GABBR1: variants seen among roughly 807,000 people sequenced by gnomAD.
GABBR1 encodes GABA-B receptor, R1 subunit.
GABBR1 carries 35 observed loss-of-function variants against 117.7 expected under a neutral mutation model. The observed-to-expected ratio is 0.30, with a 90% CI of 0.23 to 0.39. The LOEUF (loss-of-function observed/expected upper bound fraction) is 0.39. GABBR1 is among the 10% of genes least tolerant of loss of function. The pLI is 1.00. For missense variants in GABBR1, 709 were observed against 1,241.8 expected (o/e 0.57, Z 6.45); for synonymous variants, 442 against 486.6 (o/e 0.91, Z 1.21).
chr6:29,620,618 A>C lies in GABBR1; in HGVS notation c.1323+483T>G, dbSNP rs1239298875. Among the ~76,000 whole-genome samples, 1 of 152,184 alleles carries C rather than the reference A, an allele frequency of 6.6e-6. No individual in the cohort carries two copies. Among genetic ancestry groups the C allele is most frequent in the African/African-American group, 2.4e-5 (1 of 41,432 alleles). Reference sequence around the variant, plus strand: ...CCCTTCTCCACATAAAATTCTAAAAAAAGAATCATTAAAAAAAGCAACAGG... The same window carrying C: ...CCCTTCTCCACATAAAATTCTAAAACAAGAATCATTAAAAAAAGCAACAGG... On this transcript the variant is annotated intron_variant, in intron 11 of 22. Transcript: ENST00000377034. The surrounding 1 kb of genome is among the most constrained non-coding windows in gnomAD (Gnocchi z 4.5).
chr6:29,603,041 G>C lies in GABBR1; in HGVS notation c.*502C>G, dbSNP rs769072225. 1.8e-5 allele frequency: 8 copies of C among 457,006 alleles called. No individual in the cohort carries two copies. Among genetic ancestry groups the C allele is most frequent in the Admixed American group, 2.3e-5 (1 of 42,584 alleles). 28.3% of individuals were successfully genotyped at this position (457,006 alleles called of 1,614,324 possible). On this transcript the variant is annotated 3_prime_UTR_variant, in exon 23 of 23. Transcript: ENST00000377034. ...GCTCCCAAAGGAAGCAAAATTCAGGGGGAGCCACATGTGAGAAAGTATAGA... is the reference window on the plus strand; with the variant it reads ...GCTCCCAAAGGAAGCAAAATTCAGGCGGAGCCACATGTGAGAAAGTATAGA...
At chr6:29,615,038 C>G (rs568595407) in intron 11 of GABBR1, among the ~76,000 whole-genome samples, 4 of 146,372 alleles carry the variant, frequency 2.7e-5, no homozygotes, top group African/African-American at 1.0e-4. Context: ...TTAATCCTAG[C>G]ACTTTGGGAG....
In GABBR1 at chr6:29,627,044, T is replaced by A. The variant is rs1226429742; in HGVS notation, c.657+442A>T. On this transcript the variant is annotated intron_variant, in intron 6 of 22. Coordinates refer to ENST00000377034, the MANE Select transcript of GABBR1 (RefSeq NM_001470.4). The surrounding 1 kb of genome is among the most constrained non-coding windows in gnomAD (Gnocchi z 4.4). ...TCATTCTGTCCCTATTCCTTCCAGC[T>A]CCAACCTACGCCAAGATTTTACCTT... is the stretch of plus-strand genomic sequence containing the variant. 6.6e-6 allele frequency among the ~76,000 whole-genome samples: 1 copy of A among 152,190 alleles called. No individual in the cohort carries two copies. The highest frequency in any genetic ancestry group is 1.9e-4 in the East Asian group (1 of 5,168).
Position 29,632,361 on chromosome 6 carries a change from G to A in GABBR1, c.25C>T (p.Pro9Ser). The change falls in exon 2 of 23, where the codon CCA becomes TCA. Residue 9 changes from proline to serine, a missense_variant. Physicochemically the swap from Pro to Ser is moderately conservative, Grantham distance 74 (BLOSUM62 -1). This residue lies in a region of GABBR1 where 43 missense variants were observed against 42.8 expected (regional missense o/e 1.00). Coordinates refer to ENST00000377034, the MANE Select transcript of GABBR1 (RefSeq NM_001470.4). This position sits in a 1 kb window ranked among gnomAD's most constrained non-coding sequence, Gnocchi z 5.8. The part of the protein sequence containing the change: MLLLLLLA[P>S]LFLRPPGAGG... ...GCGCCCGGGGGGCGGAGGAAGAGTG[G>A]CGCCAGTAGCAGCAGCAGCAACATC... The A allele has an allele frequency of 1.5e-6, 2 of 1,352,036 alleles. No homozygotes were observed. Among genetic ancestry groups the A allele is most frequent in the Non-Finnish European group, 9.6e-7 (1 of 1,046,980 alleles). The allele number at this position is 1,352,036 out of a possible 1,614,324, so 83.8% of individuals were successfully genotyped here. A position where few individuals can be genotyped will look rare whatever the true frequency, so the allele number is the denominator to read the frequency against.
rs553796810 is a variant in GABBR1, at chr6:29,604,704, G to T, written c.2569-67C>A. ...TGTACTAGTGACTGGCTGATGGAAG[G>T]TTGGAGGTGGAAGGAATGCTGATAA... On this transcript the variant is annotated intron_variant, in intron 21 of 22. Coordinates refer to ENST00000377034, the MANE Select transcript of GABBR1 (RefSeq NM_001470.4). The surrounding 1 kb of genome is among the most constrained non-coding windows in gnomAD (Gnocchi z 5.3). 1.2e-6 allele frequency: 2 copies of T among 1,607,724 alleles called. No individual in the cohort carries two copies. Among genetic ancestry groups the T allele is most frequent in the South Asian group, 2.2e-5 (2 of 90,946 alleles).
Position 29,605,382 on chromosome 6 carries a change from G to T in GABBR1, c.2439+187C>A. On this transcript the variant is annotated intron_variant, in intron 20 of 22. Coordinates refer to ENST00000377034, the MANE Select transcript of GABBR1 (RefSeq NM_001470.4). This position sits in a 1 kb window ranked among gnomAD's most constrained non-coding sequence, Gnocchi z 4.2. The stretch of plus-strand genomic sequence containing the variant: ...TATCTACTTCACTGGGTAGTTGCAA[G>T]ATTAATGATACAATGTCTGTAGTGA... 1.4e-6 allele frequency: 1 copy of T among 690,588 alleles called. No homozygotes were observed. The highest frequency in any genetic ancestry group is 2.5e-5 in the East Asian group (1 of 39,582). The allele number at this position is 690,588 out of a possible 1,614,324, so 42.8% of individuals were successfully genotyped here.
chr6:29,606,759 G>T lies in GABBR1; in HGVS notation c.2217+138C>A. 1 of 720,966 alleles carries T rather than the reference G, an allele frequency of 1.4e-6. No individual in the cohort carries two copies. The highest frequency in any genetic ancestry group is 1.8e-5 in the South Asian group (1 of 54,854). 44.7% of individuals were successfully genotyped at this position (720,966 alleles called of 1,614,324 possible). ...CCTATGAGGGGCTCCTTCTAGGAAG[G>T]AAAGGAAGAGCTTCCAATACGAGGA... On this transcript the variant is annotated intron_variant, in intron 18 of 22. Transcript: ENST00000377034. This position sits in a 1 kb window ranked among gnomAD's most constrained non-coding sequence, Gnocchi z 4.5.
Position 29,604,798 on chromosome 6 carries a change from T to C in GABBR1, c.2568+62A>G, listed in dbSNP as rs1269209161. 8.2e-6 allele frequency: 13 copies of C among 1,592,338 alleles called. No individual in the cohort carries two copies. Among genetic ancestry groups the C allele is most frequent in the Non-Finnish European group, 1.1e-5 (13 of 1,168,764 alleles). On this transcript the variant is annotated intron_variant, in intron 21 of 22. Coordinates refer to ENST00000377034, the MANE Select transcript of GABBR1 (RefSeq NM_001470.4). This position sits in a 1 kb window ranked among gnomAD's most constrained non-coding sequence, Gnocchi z 5.3. ...GGAAGGGCAGAGGAACTCAGTAATA[T>C]AGGAAGGAGGGATGGAGGGAACATG...
chr6:29,609,628 T>C lies in GABBR1; in HGVS notation c.1709-249A>G, dbSNP rs558243762. The stretch of plus-strand genomic sequence containing the variant: ...ATGGAGTGAATGGTCTATCCATAGG[T>C]TGGGAAATGCTGAGGCATGTCCCCA... On this transcript the variant is annotated intron_variant, in intron 14 of 22. Transcript: ENST00000377034. This position sits in a 1 kb window ranked among gnomAD's most constrained non-coding sequence, Gnocchi z 4.3. Among the ~76,000 whole-genome samples, 1 of 152,138 alleles carries C rather than the reference T, an allele frequency of 6.6e-6. No homozygotes were observed. Among genetic ancestry groups the C allele is most frequent in the African/African-American group, 2.4e-5 (1 of 41,424 alleles).
In GABBR1 at chr6:29,623,790, T is replaced by G; in HGVS notation, c.792+100A>C. ...GACTCTGAATCTTAGTAGCAGGTCC[T>G]CCACACTCCTTTTCAATACAAACCC... On this transcript the variant is annotated intron_variant, in intron 7 of 22. Coordinates refer to ENST00000377034, the MANE Select transcript of GABBR1 (RefSeq NM_001470.4). The surrounding 1 kb of genome is among the most constrained non-coding windows in gnomAD (Gnocchi z 6.2). 7.1e-7 allele frequency: 1 copy of G among 1,402,688 alleles called. No homozygotes were observed. The highest frequency in any genetic ancestry group is 1.4e-5 in the South Asian group (1 of 72,072). The allele number at this position is 1,402,688 out of a possible 1,614,324, so 86.9% of individuals were successfully genotyped here. A position where few individuals can be genotyped will look rare whatever the true frequency, so the allele number is the denominator to read the frequency against.
Position 29,606,512 on chromosome 6 carries a change from G to A in GABBR1, c.2218-28C>T. 6.6e-7 allele frequency: 1 copy of A among 1,513,290 alleles called. No individual in the cohort carries two copies. The highest frequency in any genetic ancestry group is 9.2e-7 in the Non-Finnish European group (1 of 1,088,736). The allele number at this position is 1,513,290 out of a possible 1,614,324, so 93.7% of individuals were successfully genotyped here. A position where few individuals can be genotyped will look rare whatever the true frequency, so the allele number is the denominator to read the frequency against. The stretch of plus-strand genomic sequence containing the variant: ...AGGGCAGAAACAAGGTCACAAGAAA[G>A]ATGGTTGCCAGCCTCCCCTCCTCTC... On this transcript the variant is annotated intron_variant, in intron 18 of 22. Transcript: ENST00000377034. The surrounding 1 kb of genome is among the most constrained non-coding windows in gnomAD (Gnocchi z 4.5).
In GABBR1 at chr6:29,604,453, T is replaced by G; in HGVS notation, c.2712+41A>C. On this transcript the variant is annotated intron_variant, in intron 22 of 22. Coordinates refer to ENST00000377034, the MANE Select transcript of GABBR1 (RefSeq NM_001470.4). The surrounding 1 kb of genome is among the most constrained non-coding windows in gnomAD (Gnocchi z 5.3). ...AACCCAAGCTAAGACGCAAGCCTCCTGGACCACTCCAACACCCTACCCTGA... is the reference window on the plus strand; with the variant it reads ...AACCCAAGCTAAGACGCAAGCCTCCGGGACCACTCCAACACCCTACCCTGA... 6.2e-7 allele frequency: 1 copy of G among 1,612,746 alleles called. No individual in the cohort carries two copies. Among genetic ancestry groups the G allele is most frequent in the Non-Finnish European group, 8.5e-7 (1 of 1,179,682 alleles).
chr6:29,629,277 G>T (rs759037162), intron 4 of GABBR1, 170 bp from the exon 5 acceptor site: 2 of 745,584 alleles, frequency 2.7e-6, no homozygotes, highest in African/African-American at 3.5e-5. Context: ...GGGTCTGGGG[G>T]TAAGGGGGTC....
intron 5 of GABBR1, among the ~76,000 whole-genome samples, chr6:29,628,775 T>G (rs1275944298): frequency 6.6e-6 from 1 of 151,808 alleles, no homozygotes; most frequent in Non-Finnish European, 1.5e-5. Flanking sequence ...TGGTGGGAGC[T>G]CAGGGTCTCC....
At position 29,620,360 on chromosome 6, in the gene GABBR1, A is replaced by G. The variant is rs2127428408; in HGVS notation, c.1323+741T>C. On this transcript the variant is annotated intron_variant, in intron 11 of 22. Coordinates refer to ENST00000377034, the MANE Select transcript of GABBR1 (RefSeq NM_001470.4). This position sits in a 1 kb window ranked among gnomAD's most constrained non-coding sequence, Gnocchi z 4.5. ...AACATGCTCTCCAAAGCAGGTACAC[A>G]CTTGGTGTAATAAGCAGACACATAG... Among the ~76,000 whole-genome samples, 1 of 152,310 alleles carries G rather than the reference A, an allele frequency of 6.6e-6. No homozygotes were observed. Among genetic ancestry groups the G allele is most frequent in the South Asian group, 2.1e-4 (1 of 4,828 alleles).
rs1362892029 is a variant in GABBR1, at chr6:29,603,568, C to T, written c.2861G>A (p.Ser954Asn). The T allele has an allele frequency of 8.2e-6, 13 of 1,590,094 alleles. No homozygotes were observed. The South Asian group carries it at 1.4e-4, about 17-fold the overall frequency. ...TCACTTATAAAGCAAATGCACTCGA[C>T]TCCCATCACAGCTAAGCCGGTCGGG... ...EPPDRLSCDGSRVHLLYK is the reference protein window; with the variant it reads ...EPPDRLSCDGNRVHLLYK The change falls in exon 23 of 23, where the codon AGT becomes AAT. Residue 954 changes from serine to asparagine, a missense_variant. Physicochemically the swap from Ser to Asn is conservative, Grantham distance 46. Coordinates refer to ENST00000377034, the MANE Select transcript of GABBR1 (RefSeq NM_001470.4).
intron 11 of GABBR1, among the ~76,000 whole-genome samples, chr6:29,617,008 G>T (rs1044817650): frequency 2.4e-4 from 31 of 126,716 alleles, no homozygotes; most frequent in Non-Finnish European, 4.2e-4. Flanking sequence ...AAAAAAAAAA[G>T]TCTGTTGGAT....
intron 5 of GABBR1, among the ~76,000 whole-genome samples, chr6:29,628,707 G>T (rs1222350968): frequency 6.6e-6 from 1 of 152,110 alleles, no homozygotes; most frequent in Non-Finnish European, 1.5e-5. Context: ...AATCCTAGGA[G>T]GCAGCAGGCT....
At position 29,605,042 on chromosome 6, in the gene GABBR1, C is replaced by T; in HGVS notation, c.2440-54G>A. On this transcript the variant is annotated intron_variant, in intron 20 of 22. Coordinates refer to ENST00000377034, the MANE Select transcript of GABBR1 (RefSeq NM_001470.4). This position sits in a 1 kb window ranked among gnomAD's most constrained non-coding sequence, Gnocchi z 4.2. ...TCAGGTCTGCAGGCTCAGACAAGAT[C>T]CAGAGTTTACTTCCCATGGGAGGGA... is the stretch of plus-strand genomic sequence containing the variant. 6.5e-7 allele frequency: 1 copy of T among 1,538,676 alleles called. No individual in the cohort carries two copies. The highest frequency in any genetic ancestry group is 1.3e-5 in the South Asian group (1 of 78,396).
Sources: allele counts gnomAD v4.1 joint callset (sites outside exome capture counted in the v4.1 genomes callset), GRCh38; gene constraint gnomAD v4.1.1; regional missense constraint gnomAD v4.1.1; non-coding constraint Gnocchi (gnomAD v3.1); transcripts MANE v1.5; gene names NCBI Gene and HGNC (gene_info 2026-07-23, HGNC 2026-07-21).